Variants in MAPRE2 observed in about 807,000 individuals in gnomAD.
MAPRE2 encodes the protein microtubule-associated protein RP/EB family member 2.
In MAPRE2, 13 loss-of-function variants were observed where a neutral mutation model predicts 43.2. The ratio of observed to expected loss-of-function variants is 0.30; its 90% CI spans 0.20 to 0.48. The LOEUF is 0.48. Among genes scored for constraint, MAPRE2 ranks in the 20% least tolerant of loss-of-function variants. The pLI is 0.99. For synonymous variants in MAPRE2, 135 were observed against 148.8 expected (o/e 0.91, Z 0.68); for missense variants, 161 against 400.2 (o/e 0.40, Z 5.10).
At chr18:34,987,895 G>A (rs371769927) in intron 1 of MAPRE2, among the ~76,000 whole-genome samples, 3 of 152,010 alleles carry the variant, frequency 2.0e-5, no homozygotes, top group East Asian at 3.9e-4. Flanking sequence ...CACCCACCTC[G>A]GCCTCCCAAA....
intron 2 of MAPRE2, among the ~76,000 whole-genome samples, chr18:35,076,436 G>A (rs1907358432): frequency 6.6e-6 from 1 of 152,202 alleles, no homozygotes; most frequent in South Asian, 2.1e-4. Flanking sequence ...GTGGCTGGGT[G>A]CTTCTGGATG....
At position 35,132,289 on chromosome 18, in the gene MAPRE2, A is replaced by G. The variant is rs942321303; in HGVS notation, c.909+99A>G. Reference sequence around the variant, plus strand: ...CTTAGAATACTTCCCCAGGACCTCAATGAGAATTACTGCTCAGCCAAGTGC... The same window carrying G: ...CTTAGAATACTTCCCCAGGACCTCAGTGAGAATTACTGCTCAGCCAAGTGC... On this transcript the variant is annotated intron_variant, in intron 6 of 6. Transcript: ENST00000300249. The G allele has an allele frequency of 1.7e-5, 19 of 1,115,998 alleles. No individual in the cohort carries two copies. Among genetic ancestry groups the G allele is most frequent in the Admixed American group, 4.6e-5 (2 of 43,136 alleles). The allele number at this position is 1,115,998 out of a possible 1,614,324, so 69.1% of individuals were successfully genotyped here. A position where few individuals can be genotyped will look rare whatever the true frequency, so the allele number is the denominator to read the frequency against.
intron 2 of MAPRE2, among the ~76,000 whole-genome samples, chr18:35,078,725 A>T (rs1221883890): frequency 6.6e-6 from 1 of 152,020 alleles, no homozygotes; most frequent in Non-Finnish European, 1.5e-5. Flanking sequence ...TCCTTTAAGC[A>T]TCTCCTCTAA....
chr18:35,042,313 A>G (rs927482029), intron 1 of MAPRE2, among the ~76,000 whole-genome samples: 2 of 152,046 alleles, frequency 1.3e-5, no homozygotes, highest in African/African-American at 4.8e-5. Flanking sequence ...TGCATTTTCT[A>G]AGGAGTTTAT....
At chr18:34,995,651 T>C (rs1333505687) in intron 1 of MAPRE2, among the ~76,000 whole-genome samples, 1 of 152,194 alleles carries the variant, frequency 6.6e-6, no homozygotes, top group African/African-American at 2.4e-5. Context: ...AAAAGTGGTG[T>C]GCACCAAGGA....
intron 2 of MAPRE2, among the ~76,000 whole-genome samples, chr18:35,028,043 G>A (rs2150590789): frequency 6.6e-6 from 1 of 152,324 alleles, no homozygotes; most frequent in African/African-American, 2.4e-5. Flanking sequence ...TCCCAGGGTA[G>A]CTGAACTTCT....
At chr18:35,076,816 G>A (rs955576895) in intron 2 of MAPRE2, among the ~76,000 whole-genome samples, 13 of 152,140 alleles carry the variant, frequency 8.5e-5, no homozygotes, top group Admixed American at 8.5e-4. Context: ...TTCTTTGGGA[G>A]GAATGCACCA....
chr18:34,991,579 A>G lies in MAPRE2; in HGVS notation c.-69-13913A>G, dbSNP rs568990761. On this transcript the variant is annotated intron_variant, in intron 1 of 7. Transcript: ENST00000413393. ...TCTCCTCTTGGGAGTCTACCGCTAT[A>G]TTATACTTACCCATCACCATGGACA... 5.3e-5 allele frequency among the ~76,000 whole-genome samples: 8 copies of G among 152,222 alleles called. No individual in the cohort carries two copies. The East Asian group carries it at 7.7e-4, about 15-fold the overall frequency.
At chr18:35,054,240 C>A (rs890071245) in intron 1 of MAPRE2, among the ~76,000 whole-genome samples, 2 of 152,120 alleles carry the variant, frequency 1.3e-5, no homozygotes, top group African/African-American at 4.8e-5. Flanking sequence ...CTAAAAGGAT[C>A]GACTGAGGGA....
chr18:34,978,446 T>C (rs1211849465), intron 1 of MAPRE2: 1 of 1,405,002 alleles, frequency 7.1e-7, no homozygotes, highest in South Asian at 1.2e-5. Flanking sequence ...GTTGCGATTG[T>C]GGTCAGACGC....
chr18:34,988,194 A>G (rs2097021978), intron 1 of MAPRE2, among the ~76,000 whole-genome samples: 1 of 152,182 alleles, frequency 6.6e-6, no homozygotes, highest in Non-Finnish European at 1.5e-5. Context: ...AGTTGGGTCT[A>G]TGGGAGATTC....
intron 4 of MAPRE2, among the ~76,000 whole-genome samples, chr18:35,115,569 T>A (rs781588699): frequency 6.6e-6 from 1 of 152,186 alleles, no homozygotes; most frequent in South Asian, 2.1e-4. Context: ...ATCACTCTTA[T>A]GCCTTTGCAT....
intron 5 of MAPRE2, 54 bp downstream of exon 5, chr18:35,127,141 A>G (rs1909943699): frequency 6.3e-7 from 1 of 1,599,636 alleles, no homozygotes; most frequent in African/African-American, 1.3e-5. Flanking sequence ...TGTAAGAGGT[A>G]GGGGGCCTAG....
chr18:35,035,542 A>C (rs2097050121), intron 2 of MAPRE2, among the ~76,000 whole-genome samples: 2 of 151,974 alleles, frequency 1.3e-5, no homozygotes, highest in African/African-American at 4.8e-5. Flanking sequence ...AGTGCCTCCT[A>C]CCTGTTAAAA....
chr18:35,101,902 C>CCAAACGTGAGGTTTGTAACTCAA, intron 3 of MAPRE2, 44 bp from the exon 4 acceptor site: 1 of 1,429,114 alleles, frequency 7.0e-7, no homozygotes, highest in Non-Finnish European at 9.6e-7. Flanking sequence ...GGGTATATAC[C>CCAAACGTGAGGTTTGTAACTCAA]CAAACGTGAG....
chr18:35,013,409 CT>C (rs1411824265), intron 2 of MAPRE2, among the ~76,000 whole-genome samples: 1 of 152,026 alleles, frequency 6.6e-6, no homozygotes, highest in Non-Finnish European at 1.5e-5. Context: ...ACAAATAGTT[CT>C]TGTACATATT....
intron 4 of MAPRE2, among the ~76,000 whole-genome samples, chr18:35,125,233 T>G (rs1036940762): frequency 5.3e-5 from 8 of 152,188 alleles, no homozygotes; most frequent in Admixed American, 6.5e-5. Context: ...CAAATATAAA[T>G]TTTATGGTCT....
chr18:35,110,422 A>G (rs181752871), intron 4 of MAPRE2, among the ~76,000 whole-genome samples: 3 of 152,274 alleles, frequency 2.0e-5, no homozygotes, highest in Admixed American at 2.0e-4. Context: ...TGATGTGGCT[A>G]CTAGAAAACT....
At chr18:35,024,971 A>G (rs2097044243) in intron 2 of MAPRE2, among the ~76,000 whole-genome samples, 1 of 152,198 alleles carries the variant, frequency 6.6e-6, no homozygotes, top group Admixed American at 6.5e-5. Flanking sequence ...TAATTGGGAA[A>G]CACTAGAGGG....
Sources: gnomAD v4.1 joint callset for allele counts (sites outside exome capture counted in the v4.1 genomes callset) on GRCh38, gnomAD v4.1.1 for gene constraint, MANE v1.5 for transcripts, NCBI Gene and HGNC (gene_info 2026-07-23, HGNC 2026-07-21) for gene names.